Variants in MAGI1 observed in about 807,000 individuals in gnomAD.
MAGI1 encodes the protein membrane-associated guanylate kinase, WW and PDZ domain-containing protein 1.
A neutral mutation model predicts 139.9 loss-of-function variants in MAGI1; 58 were observed. The ratio of observed to expected loss-of-function variants is 0.41; its 90% confidence interval spans 0.34 to 0.52. The LOEUF (loss-of-function observed/expected upper bound fraction) is 0.52. MAGI1 is among the 20% of genes least tolerant of loss of function. MAGI1 has a pLI of 0.12. For synonymous variants in MAGI1, 812 were observed against 737.9 expected (o/e 1.10, Z -1.63); for missense variants, 1,874 against 1,901.6 (o/e 0.99, Z 0.27).
At position 65,354,283 on chromosome 3, in the gene MAGI1, C is replaced by T. The variant is rs146090545; in HGVS notation, c.*2095G>A. Reference sequence around the variant, plus strand: ...AAACTTTAATAATAAAAATAGCATTCACAGACTTTTCCCTCCTTTTTAGCT... The same window carrying T: ...AAACTTTAATAATAAAAATAGCATTTACAGACTTTTCCCTCCTTTTTAGCT... On this transcript the variant is annotated 3_prime_UTR_variant, in exon 23 of 23. Transcript: ENST00000402939. 30 of 152,730 alleles carry T rather than the reference C, an allele frequency of 2.0e-4. 1 individual carries two copies. In the East Asian group the frequency reaches 5.6e-3, roughly 28 times the overall value. The allele number at this position is 152,730 out of a possible 1,614,324, so 9.5% of individuals were successfully genotyped here.
At chr3:65,358,154 C>T (rs1000852299) in intron 22 of MAGI1, among the ~76,000 whole-genome samples, 6 of 152,126 alleles carry the variant, frequency 3.9e-5, no homozygotes, top group Non-Finnish European at 1.5e-5. Context: ...ATAATGGCCC[C>T]TATTTATCAT....
At chr3:65,669,558 C>T (rs757020620) in intron 1 of MAGI1, among the ~76,000 whole-genome samples, 63 of 152,238 alleles carry the variant, frequency 4.1e-4, no homozygotes, top group Admixed American at 4.6e-4. Flanking sequence ...CTCGACCAGT[C>T]TGCTTTTGCT....
At chr3:65,559,150 T>C (rs1234567372) in intron 2 of MAGI1, among the ~76,000 whole-genome samples, 1 of 152,262 alleles carries the variant, frequency 6.6e-6, no homozygotes, top group Non-Finnish European at 1.5e-5. Flanking sequence ...AAACTGACTT[T>C]AGTATCTCTT....
intron 1 of MAGI1, among the ~76,000 whole-genome samples, chr3:65,985,145 T>C (rs2065815960): frequency 6.6e-6 from 1 of 152,224 alleles, no homozygotes; most frequent in Non-Finnish European, 1.5e-5. Flanking sequence ...GAGATAGCCA[T>C]GACTTTACCC....
At chr3:65,653,137 G>A (rs768558121) in intron 1 of MAGI1, among the ~76,000 whole-genome samples, 100 of 152,172 alleles carry the variant, frequency 6.6e-4, no homozygotes, top group Non-Finnish European at 1.3e-3. Context: ...ACTTGAGTAG[G>A]AATAAAGAGC....
intron 1 of MAGI1, among the ~76,000 whole-genome samples, chr3:65,926,448 A>G (rs748319806): frequency 2.3e-4 from 35 of 151,832 alleles, no homozygotes; most frequent in Non-Finnish European, 4.6e-4. Context: ...GCTAGATAAA[A>G]TAAGACTAAG....
At chr3:65,456,587 T>C (rs966449775) in intron 5 of MAGI1, among the ~76,000 whole-genome samples, 3 of 152,222 alleles carry the variant, frequency 2.0e-5, no homozygotes, top group Admixed American at 6.5e-5. Context: ...GATGTCTCTT[T>C]GCCTAGCCCT....
At chr3:65,902,912 A>T (rs1210537619) in intron 1 of MAGI1, 1 of 152,398 alleles carries the variant, frequency 6.6e-6, no homozygotes, top group Non-Finnish European at 1.5e-5. Context: ...AAAGGGTCAT[A>T]GGTGTCACTA....
rs765346622 is a variant in MAGI1, at chr3:65,478,683, G to C, written c.666C>G (p.Thr222=). 6.6e-5 allele frequency: 107 copies of C among 1,613,916 alleles called. No individual in the cohort carries two copies. The highest frequency in any genetic ancestry group is 1.8e-4 in the South Asian group (16 of 91,082). The part of the protein sequence containing the change: ...SGSKQSTPKR[T]KSYNDMQNAG... Reference sequence around the variant, plus strand: ...CATTTTGCATATCATTGTAGGACTTGGTTCGCTTCGGGGTCGACTGCTTAG... The same window carrying C: ...CATTTTGCATATCATTGTAGGACTTCGTTCGCTTCGGGGTCGACTGCTTAG... The change falls in exon 4 of 23, where the codon ACC becomes ACG. Residue 222 remains threonine (T), a synonymous_variant. Coordinates refer to ENST00000402939, the MANE Select transcript of MAGI1 (RefSeq NM_001033057.2).
At chr3:66,021,472 T>G (rs2107552088) in intron 1 of MAGI1, among the ~76,000 whole-genome samples, 1 of 152,346 alleles carries the variant, frequency 6.6e-6, no homozygotes, top group East Asian at 1.9e-4. Flanking sequence ...TAACTCAATT[T>G]GTCTTTCTAT....
intron 9 of MAGI1, among the ~76,000 whole-genome samples, 170 bp from the exon 10 acceptor site, chr3:65,437,417 T>C (rs924963060): frequency 2.0e-5 from 3 of 151,984 alleles, no homozygotes; most frequent in African/African-American, 4.8e-5. Context: ...TTTTTTTTTT[T>C]TTCTTGTCTA....
At chr3:65,648,316 TGCGC>T (rs1553685618) in intron 1 of MAGI1, among the ~76,000 whole-genome samples, 208 of 143,152 alleles carry the variant, frequency 1.5e-3, no homozygotes, top group Non-Finnish European at 2.1e-3. Context: ...TGTGTGTGTG[TGCGC>T]GTGCGCGTGC....
intron 2 of MAGI1, chr3:65,532,930 A>G (rs2078784795): frequency 6.6e-6 from 1 of 152,198 alleles, no homozygotes; most frequent in Non-Finnish European, 1.5e-5. Flanking sequence ...GTTTAGCAGG[A>G]CCGTCTCTCT....
At chr3:65,382,118 T>C (rs1943098864) in intron 15 of MAGI1, 49 bp from the exon 16 acceptor site, 1 of 1,435,452 alleles carries the variant, frequency 7.0e-7, no homozygotes. Flanking sequence ...CTATGTTTAC[T>C]GTTACATCAA....
At chr3:65,465,197 A>G (rs2107555543) in intron 5 of MAGI1, among the ~76,000 whole-genome samples, 1 of 151,392 alleles carries the variant, frequency 6.6e-6, no homozygotes, top group East Asian at 1.9e-4. Context: ...ACTCAAACCT[A>G]ATTTGGAAAA....
intron 12 of MAGI1, 131 bp from the exon 13 acceptor site, chr3:65,401,601 C>A (rs899905127): frequency 1.2e-5 from 19 of 1,551,406 alleles, no homozygotes; most frequent in Non-Finnish European, 1.7e-5. Context: ...TCAGATTTCT[C>A]CCCAGCATCG....
At chr3:65,602,414 A>C (rs936947224) in intron 2 of MAGI1, among the ~76,000 whole-genome samples, 36 of 152,182 alleles carry the variant, frequency 2.4e-4, no homozygotes, top group Non-Finnish European at 1.3e-4. Flanking sequence ...ACCTGAAAAC[A>C]TCACGCTGAG....
intron 1 of MAGI1, among the ~76,000 whole-genome samples, chr3:65,653,165 A>G (rs2107325377): frequency 6.6e-6 from 1 of 152,316 alleles, no homozygotes; most frequent in Middle Eastern, 3.4e-3. Flanking sequence ...TGGACCACAA[A>G]GTCACCTTTG....
At chr3:65,769,550 A>G (rs990217607) in intron 1 of MAGI1, among the ~76,000 whole-genome samples, 2 of 152,224 alleles carry the variant, frequency 1.3e-5, no homozygotes, top group East Asian at 3.9e-4. Flanking sequence ...CTAGAAATAA[A>G]CAGTCCCAGG....
Sources: allele counts gnomAD v4.1 joint callset (sites outside exome capture counted in the v4.1 genomes callset), GRCh38; gene constraint gnomAD v4.1.1; transcripts MANE v1.5; gene names NCBI Gene and HGNC (gene_info 2026-07-23, HGNC 2026-07-21).